MYH11: variants seen among roughly 807,000 people sequenced by gnomAD.
The protein encoded by MYH11 is myosin heavy chain 11, also known as myosin-11.
MYH11 carries 80 observed loss-of-function variants against 246.6 expected under a neutral mutation model. The observed-to-expected ratio is 0.32, with a 90% confidence interval of 0.27 to 0.39. MYH11 has a LOEUF of 0.39. Ranked by LOEUF, MYH11 falls within the 10% of genes least tolerant of loss-of-function variation. The pLI is 1.00. For missense variants in MYH11, 2,158 were observed against 2,546.8 expected, an observed-to-expected ratio of 0.85 and a Z score of 3.29; for synonymous variants, 1,071 against 1,015.5, an observed-to-expected ratio of 1.05 and a Z score of -1.04.
chr16:15,707,675 A>G (rs569674692), intron 40 of MYH11, among the ~76,000 whole-genome samples: 2 of 152,344 alleles, frequency 1.3e-5, no homozygotes, highest in East Asian at 3.9e-4. Flanking sequence ...AGTCAGATCC[A>G]CATGGCCTAA....
chr16:15,778,649 G>T, intron 7 of MYH11, 131 bp downstream of exon 7: 2 of 933,532 alleles, frequency 2.1e-6, no homozygotes, highest in East Asian at 2.5e-5. Flanking sequence ...TGCTGTTAAG[G>T]GGAGATTTGT....
chr16:15,781,028 G>C (rs1243605849), intron 6 of MYH11, among the ~76,000 whole-genome samples: 1 of 152,122 alleles, frequency 6.6e-6, no homozygotes, highest in African/African-American at 2.4e-5. Context: ...TGTGTCTTCT[G>C]TTGGTGTGGC....
At chr16:15,723,589 G>C (rs1277531242) in intron 31 of MYH11, among the ~76,000 whole-genome samples, 1 of 152,098 alleles carries the variant, frequency 6.6e-6, no homozygotes, top group Non-Finnish European at 1.5e-5. Context: ...GAGGTTGCGG[G>C]GAGCTGAGAT....
At position 15,758,100 on chromosome 16, in the gene MYH11, G is replaced by A. The variant is rs113594633; in HGVS notation, c.1402-100C>T. ...CCACCCGACAGCGCCCCCATGGCCCGCCCACATCCTGTTCTGCCATCCCAG... is the reference window on the plus strand; with the variant it reads ...CCACCCGACAGCGCCCCCATGGCCCACCCACATCCTGTTCTGCCATCCCAG... On this transcript the variant is annotated intron_variant, in intron 12 of 40. Coordinates refer to ENST00000300036, the MANE Select transcript of MYH11 (RefSeq NM_002474.3). 277 of 1,543,980 alleles carry A rather than the reference G, an allele frequency of 1.8e-4. No homozygotes were observed. The African/African-American group carries it at 3.1e-3, about 17-fold the overall frequency.
chr16:15,740,221 G>A, intron 22 of MYH11, 33 bp from the exon 23 acceptor site: 1 of 1,613,714 alleles, frequency 6.2e-7, no homozygotes, highest in Non-Finnish European at 8.5e-7. Context: ...TAACAGCTTT[G>A]GTTATAACAG....
In MYH11 at chr16:15,730,339, C is replaced by A. The variant is rs1358832668; in HGVS notation, c.3651+2225G>T. Among the ~76,000 whole-genome samples, 3 of 149,562 alleles carry A rather than the reference C, an allele frequency of 2.0e-5. No homozygotes were observed. In the Admixed American group the frequency reaches 2.0e-4, roughly 10 times the overall value. ...CTGAGGTCAGGAGTTCGAGATCAGCCTGGCCAACATGGCAAAACCCCATCT... is the reference window on the plus strand; with the variant it reads ...CTGAGGTCAGGAGTTCGAGATCAGCATGGCCAACATGGCAAAACCCCATCT... On this transcript the variant is annotated intron_variant, in intron 27 of 40. Transcript: ENST00000300036.
intron 27 of MYH11, among the ~76,000 whole-genome samples, chr16:15,729,978 GC>G (rs2040912026): frequency 6.6e-6 from 1 of 152,080 alleles, no homozygotes; most frequent in South Asian, 2.1e-4. Context: ...GAGCCACCGC[GC>G]CCGGCCTTTG....
chr16:15,833,896 A>G (rs1357398817), intron 2 of MYH11, among the ~76,000 whole-genome samples: 1 of 152,112 alleles, frequency 6.6e-6, no homozygotes, highest in African/African-American at 2.4e-5. Context: ...GACGGTTTCT[A>G]TTAAGCAATT....
At position 15,753,387 on chromosome 16, in the gene MYH11, G is replaced by A; in HGVS notation, c.1864+7C>T. On this transcript the variant is annotated splice_region_variant and intron_variant, in intron 15 of 40. Transcript: ENST00000300036. ...CAGAACATGGACCCGAGCAGAGAAGGCCTTACCGTCCTTCCACAGGTCGGC... is the reference window on the plus strand; with the variant it reads ...CAGAACATGGACCCGAGCAGAGAAGACCTTACCGTCCTTCCACAGGTCGGC... The A allele has an allele frequency of 1.2e-6, 2 of 1,611,690 alleles. No individual in the cohort carries two copies. The highest frequency in any genetic ancestry group is 4.5e-5 in the East Asian group (2 of 44,868).
At chr16:15,745,576 T>C (rs1423537439) in intron 19 of MYH11, among the ~76,000 whole-genome samples, 1 of 137,420 alleles carries the variant, frequency 7.3e-6, no homozygotes, top group Non-Finnish European at 1.5e-5. Context: ...TCTTTTTTCT[T>C]TCTTTCTTTT....
chr16:15,785,334 C>T (rs1271321818), intron 5 of MYH11: 1 of 152,076 alleles, frequency 6.6e-6, no homozygotes, highest in African/African-American at 2.4e-5. Context: ...AAAGTATTAT[C>T]TCCTGTGTTT....
chr16:15,811,081 G>A (rs985215072), intron 3 of MYH11, among the ~76,000 whole-genome samples: 1 of 152,128 alleles, frequency 6.6e-6, no homozygotes, highest in African/African-American at 2.4e-5. Flanking sequence ...GATCATGGGG[G>A]TTCAATCCTC....
At chr16:15,798,037 T>C (rs1010104072) in intron 4 of MYH11, among the ~76,000 whole-genome samples, 3 of 152,200 alleles carry the variant, frequency 2.0e-5, no homozygotes, top group African/African-American at 4.8e-5. Flanking sequence ...ACACATCAGA[T>C]AAACTTCATC....
At chr16:15,733,753 G>C (rs1177927186) in intron 26 of MYH11, among the ~76,000 whole-genome samples, 2 of 152,064 alleles carry the variant, frequency 1.3e-5, no homozygotes, top group African/African-American at 4.8e-5. Flanking sequence ...ATGTTGGCCA[G>C]GCTGGTCTCG....
intron 31 of MYH11, among the ~76,000 whole-genome samples, chr16:15,723,641 G>C (rs1034206010): frequency 6.6e-6 from 1 of 152,120 alleles, no homozygotes; most frequent in Non-Finnish European, 1.5e-5. Context: ...GCTAGATCCT[G>C]TCTCAAAATA....
intron 3 of MYH11, among the ~76,000 whole-genome samples, chr16:15,802,877 G>A (rs1027170969): frequency 1.3e-5 from 2 of 152,160 alleles, no homozygotes; most frequent in Non-Finnish European, 2.9e-5. Flanking sequence ...GAGGCCGGGC[G>A]TGGTGGCTCA....
chr16:15,747,939 C>T lies in MYH11; in HGVS notation c.2185G>A (p.Glu729Lys), dbSNP rs1460761362. ...IVFQEFRQRY[E>K]ILAANAIPKG... ...GGGATGGCATTCGCCGCCAGGATCT[C>T]GTAGCTTGAAACACAGAGCAGAAGT... The change falls in exon 18 of 41, where the codon GAG (glutamate) becomes AAG (lysine). Residue 729 changes from glutamate (E) to lysine (K), a missense_variant. This residue lies in a region of MYH11 where 317 missense variants were observed against 507.7 expected (regional missense o/e 0.62). Transcript: ENST00000300036. 5 of 1,614,084 alleles carry T rather than the reference C, an allele frequency of 3.1e-6. No individual in the cohort carries two copies. The highest frequency in any genetic ancestry group is 1.3e-5 in the African/African-American group (1 of 74,998).
At chr16:15,772,547 T>C (rs1405281368) in intron 8 of MYH11, among the ~76,000 whole-genome samples, 1 of 152,224 alleles carries the variant, frequency 6.6e-6, no homozygotes, top group Admixed American at 6.5e-5. Flanking sequence ...TTTATCTCTT[T>C]TAGCTGCTTT....
At chr16:15,715,986 G>C (rs536092146) in intron 38 of MYH11, among the ~76,000 whole-genome samples, 16 of 152,102 alleles carry the variant, frequency 1.1e-4, no homozygotes, top group African/African-American at 3.9e-4. Flanking sequence ...TACAAGCTGG[G>C]TACAGTGGTG....
Sources: allele counts gnomAD v4.1 joint callset (sites outside exome capture counted in the v4.1 genomes callset), GRCh38; gene constraint gnomAD v4.1.1; regional missense constraint gnomAD v4.1.1; transcripts MANE v1.5; gene names NCBI Gene and HGNC (gene_info 2026-07-23, HGNC 2026-07-21).